The following NEBL variants were observed in gnomAD, a reference collection of about 807,000 sequenced individuals.
The protein encoded by NEBL is nebulette.
NEBL carries 122 observed loss-of-function variants against 140.2 expected under a neutral mutation model. The ratio of observed to expected loss-of-function variants is 0.87; its 90% CI spans 0.75 to 1.01. NEBL has a LOEUF of 1.01. NEBL is among the 50% of genes least tolerant of loss of function. NEBL has a pLI of 0.00. For missense variants in NEBL, 1,365 were observed against 1,231.3 expected, an observed-to-expected ratio of 1.11 and a Z score of -1.62; for synonymous variants, 436 against 398.9, an observed-to-expected ratio of 1.09 and a Z score of -1.11.
intron 3 of NEBL, among the ~76,000 whole-genome samples, chr10:20,984,491 T>C (rs914903585): frequency 5.9e-5 from 9 of 152,284 alleles, no homozygotes; most frequent in African/African-American, 2.2e-4. Context: ...AGAGGACCTT[T>C]GTCTCATCAG....
chr10:21,177,506 A>G (rs1841321301), upstream of NEBL, among the ~76,000 whole-genome samples: 1 of 152,146 alleles, frequency 6.6e-6, no homozygotes, highest in South Asian at 2.1e-4. Context: ...AATTTACATA[A>G]AAGATTCAGT....
chr10:20,801,809 A>G (rs1408227934), intron 26 of NEBL, among the ~76,000 whole-genome samples: 1 of 152,044 alleles, frequency 6.6e-6, no homozygotes, highest in African/African-American at 2.4e-5. Context: ...ATCTCTTGCA[A>G]CTCTTGAATA....
chr10:20,812,018 TTA>T (rs1384472520), intron 24 of NEBL, among the ~76,000 whole-genome samples: 1 of 152,198 alleles, frequency 6.6e-6, no homozygotes, highest in Non-Finnish European at 1.5e-5. Flanking sequence ...GTTTGCTCTC[TTA>T]ATTGCAAGAC....
chr10:21,200,428 C>G (rs999710364), intron 3 of NEBL, among the ~76,000 whole-genome samples: 3 of 144,388 alleles, frequency 2.1e-5, no homozygotes, highest in African/African-American at 7.7e-5. Context: ...ATTCTCCTGT[C>G]TCAGCCTCCT....
At chr10:21,222,363 C>T (rs1055972920) in intron 3 of NEBL, among the ~76,000 whole-genome samples, 5 of 151,180 alleles carry the variant, frequency 3.3e-5, no homozygotes, top group Non-Finnish European at 5.9e-5. Flanking sequence ...GAGAATAATT[C>T]CTTTAAATTA....
At chr10:21,034,509 C>A (rs887420669) in intron 2 of NEBL, among the ~76,000 whole-genome samples, 3 of 152,154 alleles carry the variant, frequency 2.0e-5, no homozygotes, top group Non-Finnish European at 2.9e-5. Context: ...ACAGGATAAG[C>A]CTCCTTGCAA....
At chr10:20,853,496 T>C (rs1439169484) in intron 9 of NEBL, among the ~76,000 whole-genome samples, 1 of 152,164 alleles carries the variant, frequency 6.6e-6, no homozygotes, top group Non-Finnish European at 1.5e-5. Flanking sequence ...AACGAGATCC[T>C]GCCATTTGCA....
At chr10:20,819,564 GT>G (rs756457449) in intron 19 of NEBL, 48 bp from the exon 20 acceptor site, 29 of 1,606,414 alleles carry the variant, frequency 1.8e-5, no homozygotes, top group Non-Finnish European at 2.3e-5. Flanking sequence ...AAATAAATAC[GT>G]CCCAAAACAT....
chr10:21,209,181 A>G (rs893880159), intron 3 of NEBL, among the ~76,000 whole-genome samples: 2 of 152,156 alleles, frequency 1.3e-5, no homozygotes, highest in African/African-American at 4.8e-5. Flanking sequence ...TGACAAAAGG[A>G]ATGTGTCTGA....
At chr10:21,091,766 CA>C (rs1171827237) in intron 2 of NEBL, among the ~76,000 whole-genome samples, 2 of 152,172 alleles carry the variant, frequency 1.3e-5, no homozygotes, top group African/African-American at 4.8e-5. Context: ...GCTAATACTA[CA>C]GATGCACGCA....
intron 2 of NEBL, among the ~76,000 whole-genome samples, chr10:21,051,502 C>T (rs1458910114): frequency 6.6e-6 from 1 of 151,720 alleles, no homozygotes; most frequent in African/African-American, 2.4e-5. Context: ...AAAATATCTA[C>T]ATAATATACA....
At chr10:20,979,720 T>G (rs1349136016) in intron 3 of NEBL, among the ~76,000 whole-genome samples, 1 of 152,168 alleles carries the variant, frequency 6.6e-6, no homozygotes, top group Non-Finnish European at 1.5e-5. Context: ...TGTGTTTGTT[T>G]AGTAGAGACA....
chr10:20,830,146 A>G (rs1046121991), intron 16 of NEBL, among the ~76,000 whole-genome samples: 2 of 152,212 alleles, frequency 1.3e-5, no homozygotes, highest in Non-Finnish European at 2.9e-5. Context: ...AAGTCCTCTG[A>G]CATTTGACTC....
intron 3 of NEBL, among the ~76,000 whole-genome samples, chr10:21,227,312 A>G (rs977738745): frequency 6.6e-6 from 1 of 152,228 alleles, no homozygotes; most frequent in Admixed American, 6.5e-5. Context: ...AAGAGCTCCC[A>G]AAGTTTTGGG....
intron 3 of NEBL, among the ~76,000 whole-genome samples, chr10:20,982,728 C>A (rs957981494): frequency 2.4e-4 from 36 of 152,148 alleles, no homozygotes; most frequent in African/African-American, 8.7e-4. Flanking sequence ...GCCTTCCCCC[C>A]CAAAAAATTT....
intron 3 of NEBL, among the ~76,000 whole-genome samples, chr10:20,964,684 TC>T (rs1360828125): frequency 6.8e-4 from 103 of 152,222 alleles, no homozygotes; most frequent in East Asian, 1.7e-3. Flanking sequence ...CCAAACCATA[TC>T]AGGGGTGCTC....
intron 3 of NEBL, among the ~76,000 whole-genome samples, chr10:20,972,083 G>C (rs1454111326): frequency 6.6e-6 from 1 of 152,162 alleles, no homozygotes; most frequent in Non-Finnish European, 1.5e-5. Context: ...TAGGAAATGA[G>C]TCATTCAGAA....
intron 2 of NEBL, among the ~76,000 whole-genome samples, chr10:21,165,019 C>G (rs1161949300): frequency 1.3e-5 from 2 of 152,152 alleles, no homozygotes; most frequent in African/African-American, 4.8e-5. Flanking sequence ...AACAATGTGA[C>G]CTTTTCTCTT....
chr10:21,143,445 T>A (rs1839740349), intron 2 of NEBL, among the ~76,000 whole-genome samples: 4 of 71,246 alleles, frequency 5.6e-5, no homozygotes, highest in Admixed American at 1.8e-4. Context: ...TGAAACTTCA[T>A]CTCAAAAAAA....
Sources: allele counts gnomAD v4.1 joint callset (sites outside exome capture counted in the v4.1 genomes callset), GRCh38; gene constraint gnomAD v4.1.1; transcripts MANE v1.5; gene names NCBI Gene and HGNC (gene_info 2026-07-23, HGNC 2026-07-21).